ITGA6: variants seen among roughly 807,000 people sequenced by gnomAD.
The protein encoded by ITGA6 is integrin subunit alpha 6.
Under a neutral mutation model 133.6 loss-of-function variants are expected in ITGA6, and 63 were observed. The ratio of observed to expected loss-of-function variants is 0.47; its 90% CI spans 0.38 to 0.58. The LOEUF (loss-of-function observed/expected upper bound fraction) is 0.58, where lower values mean the gene tolerates loss of function less well. ITGA6 is among the 20% of genes least tolerant of loss of function. The probability of loss-of-function intolerance (pLI) is 0.00; values close to 1 mark genes in which losing one functional copy is unlikely to be tolerated. For synonymous variants in ITGA6, 434 were observed against 482.0 expected, an observed-to-expected ratio of 0.90 and a Z score of 1.30; for missense variants, 1,068 against 1,309.4, an observed-to-expected ratio of 0.82 and a Z score of 2.85.
chr2:172,469,039 C>T, intron 3 of ITGA6, 86 bp from the exon 4 acceptor site: 15 of 1,398,674 alleles, frequency 1.1e-5, no homozygotes, highest in Non-Finnish European at 1.5e-5. Context: ...GAATTAACCT[C>T]TGTATTGACC....
At chr2:172,472,065 T>G (rs1481642093) in intron 5 of ITGA6, among the ~76,000 whole-genome samples, 2 of 152,250 alleles carry the variant, frequency 1.3e-5, no homozygotes, top group Non-Finnish European at 2.9e-5. Context: ...CTCACGCCTA[T>G]AATCCCAACA....
intron 1 of ITGA6, among the ~76,000 whole-genome samples, chr2:172,435,664 T>C (rs916640605): frequency 6.8e-6 from 1 of 147,488 alleles, no homozygotes; most frequent in Non-Finnish European, 1.5e-5. Flanking sequence ...CTCACTCTGT[T>C]TGCCCAAGCT....
chr2:172,499,358 T>G (rs985647134), intron 24 of ITGA6, among the ~76,000 whole-genome samples: 3 of 145,188 alleles, frequency 2.1e-5, no homozygotes, highest in Admixed American at 2.0e-4. Flanking sequence ...AGGAGATGCC[T>G]TGAAGAAAAA....
chr2:172,462,809 G>A (rs765926636), intron 1 of ITGA6, among the ~76,000 whole-genome samples: 2 of 152,142 alleles, frequency 1.3e-5, no homozygotes, highest in African/African-American at 2.4e-5. Flanking sequence ...CAGAAGCCTG[G>A]GGTTCAGAGG....
intron 19 of ITGA6, 138 bp downstream of exon 19, chr2:172,488,366 G>A: frequency 1.4e-6 from 1 of 710,276 alleles, no homozygotes; most frequent in Non-Finnish European, 2.5e-6. Flanking sequence ...TAGTTTGCCA[G>A]CTTTTAAAGA....
chr2:172,467,183 T>C lies in ITGA6; in HGVS notation c.308-298T>C, dbSNP rs190106407. Among the ~76,000 whole-genome samples, 29 of 152,320 alleles carry C rather than the reference T, an allele frequency of 1.9e-4. No individual in the cohort carries two copies. The East Asian group carries it at 4.4e-3, about 23-fold the overall frequency. On this transcript the variant is annotated intron_variant, in intron 2 of 25. Coordinates refer to ENST00000684293, the MANE Select transcript of ITGA6 (RefSeq NM_000210.4). ...GGAGGGCTCCCTTAGTCTTACAGTT[T>C]CACTTACCTTCTGCATTCAGGACCC...
intron 1 of ITGA6, among the ~76,000 whole-genome samples, chr2:172,444,169 C>T (rs960078868): frequency 6.6e-6 from 1 of 152,194 alleles, no homozygotes; most frequent in Admixed American, 6.5e-5. Context: ...ACGGGTGGTA[C>T]TGCCAAGACT....
rs2293648 is a variant in ITGA6, at chr2:172,487,429, A to T, written c.2136A>T (p.Ala712=). ...ATFPDTLTYS[A]YRELRAFPEK... is the part of the protein sequence containing the mutation. Reference sequence around the variant, plus strand: ...TTCCAGACACTTTAACCTATTCTGCATATAGAGAACTGAGGGCTTTCCCTG... The same window carrying T: ...TTCCAGACACTTTAACCTATTCTGCTTATAGAGAACTGAGGGCTTTCCCTG... Residue 712 remains alanine, a synonymous_variant, in exon 15 of 26, where the codon GCA becomes GCT. Coordinates refer to ENST00000684293, the MANE Select transcript of ITGA6 (RefSeq NM_000210.4). 0.06 allele frequency: 97,346 copies of T among 1,614,006 alleles called. 4,048 individuals carry two copies. The highest frequency in any genetic ancestry group is 0.24 in the East Asian group (10,891 of 44,876).
At chr2:172,469,062 T>C (rs1685802791) in intron 3 of ITGA6, 63 bp from the exon 4 acceptor site, 5 of 1,554,114 alleles carry the variant, frequency 3.2e-6, no homozygotes, top group Non-Finnish European at 4.4e-6. Flanking sequence ...TTTATTCATA[T>C]GTAATTTTTT....
At chr2:172,452,530 T>C (rs1685050748) in intron 1 of ITGA6, among the ~76,000 whole-genome samples, 1 of 152,202 alleles carries the variant, frequency 6.6e-6, no homozygotes. Flanking sequence ...AAGAGCCTGG[T>C]GGACCAGCTC....
intron 1 of ITGA6, among the ~76,000 whole-genome samples, chr2:172,454,433 G>A (rs77787607): frequency 0.013 from 1,972 of 152,222 alleles, 37 homozygotes; most frequent in African/African-American, 0.045. Flanking sequence ...GAGAGTGGTG[G>A]TGGTTGGAGG....
intron 1 of ITGA6, among the ~76,000 whole-genome samples, chr2:172,462,261 C>T (rs1465759828): frequency 6.6e-6 from 1 of 152,180 alleles, no homozygotes; most frequent in Non-Finnish European, 1.5e-5. Context: ...CCACGGCTGC[C>T]CAGGGGATTT....
Position 172,475,099 on chromosome 2 carries a change from A to G in ITGA6, c.1157A>G (p.Asp386Gly), listed in dbSNP as rs777556504. 6.3e-7 allele frequency: 1 copy of G among 1,589,496 alleles called. No individual in the cohort carries two copies. Among genetic ancestry groups the G allele is most frequent in the Non-Finnish European group, 8.6e-7 (1 of 1,157,514 alleles). Residue 386 changes from aspartate to glycine, a missense_variant, in exon 7 of 26, where the codon GAT (aspartate) becomes GGT (glycine). Asp to Gly is a moderately conservative substitution (Grantham distance 94). Transcript: ENST00000684293. ...GGCATTGCAGTAAAAAATATTGGAGATATTAATCAAGATGGCTACCCAGGT... is the reference window on the plus strand; with the variant it reads ...GGCATTGCAGTAAAAAATATTGGAGGTATTAATCAAGATGGCTACCCAGGT... ...MFGIAVKNIG[D>G]INQDGYPDIA... is the part of the protein sequence containing the mutation.
intron 1 of ITGA6, among the ~76,000 whole-genome samples, chr2:172,456,976 G>A (rs72889922): frequency 0.011 from 1,719 of 152,184 alleles, 26 homozygotes; most frequent in Middle Eastern, 0.061. Flanking sequence ...GTTAACTTTG[G>A]TTTTAAATAA....
At chr2:172,454,460 A>C (rs1685136098) in intron 1 of ITGA6, among the ~76,000 whole-genome samples, 1 of 152,104 alleles carries the variant, frequency 6.6e-6, no homozygotes, top group Non-Finnish European at 1.5e-5. Context: ...AAAGAAGCCC[A>C]CTGCAGTTCA....
At chr2:172,497,016 C>G (rs1687153093) in intron 23 of ITGA6, among the ~76,000 whole-genome samples, 2 of 152,130 alleles carry the variant, frequency 1.3e-5, no homozygotes, top group South Asian at 4.1e-4. Flanking sequence ...AAGATGGCAC[C>G]AAGCCATTTC....
intron 1 of ITGA6, among the ~76,000 whole-genome samples, chr2:172,441,083 A>G (rs1215601363): frequency 6.6e-6 from 1 of 152,088 alleles, no homozygotes; most frequent in Non-Finnish European, 1.5e-5. Context: ...ACCCATGTTA[A>G]TCTATTACCT....
intron 1 of ITGA6, among the ~76,000 whole-genome samples, chr2:172,462,132 G>A (rs1685450093): frequency 6.6e-6 from 1 of 152,200 alleles, no homozygotes. Flanking sequence ...CTCTCATCAA[G>A]GTGTAGCTTT....
chr2:172,482,129 T>C (rs1480210429), intron 11 of ITGA6, among the ~76,000 whole-genome samples: 1 of 152,224 alleles, frequency 6.6e-6, no homozygotes, highest in Non-Finnish European at 1.5e-5. Flanking sequence ...CTATATAAAA[T>C]ACAGACTTTC....
Sources: allele counts gnomAD v4.1 joint callset (sites outside exome capture counted in the v4.1 genomes callset), GRCh38; gene constraint gnomAD v4.1.1; transcripts MANE v1.5; gene names NCBI Gene and HGNC (gene_info 2026-07-23, HGNC 2026-07-21).